MLC1: variants seen among roughly 807,000 people sequenced by gnomAD.
MLC1 encodes the protein modulator of VRAC current 1.
Under a neutral mutation model 44.7 loss-of-function variants are expected in MLC1, and 32 were observed. The observed-to-expected ratio is 0.72, with a 90% confidence interval of 0.54 to 0.96. The LOEUF (loss-of-function observed/expected upper bound fraction) is 0.96, where lower values mean the gene tolerates loss of function less well. MLC1 is among the 40% of genes least tolerant of loss of function. The pLI, the probability that MLC1 is intolerant of heterozygous loss-of-function variation, is 0.00. For synonymous variants in MLC1, 190 were observed against 213.0 expected (o/e 0.89, Z 0.94); for missense variants, 459 against 492.2 (o/e 0.93, Z 0.64).
At chr22:50,081,009 A>AAAAGAAAGAAAGGAAGAAAGAAAGAAAG (rs2062111211) in intron 3 of MLC1, among the ~76,000 whole-genome samples, 1 of 96,740 alleles carries the variant, frequency 1.0e-5, no homozygotes, top group Non-Finnish European at 2.0e-5. Flanking sequence ...TTGTCTCAAA[A>AAAAGAAAGAAAGGAAGAAAGAAAGAAAG]AAAGAAAGAA....
chr22:50,062,576 C>T (rs942783545), intron 11 of MLC1, among the ~76,000 whole-genome samples: 3 of 152,244 alleles, frequency 2.0e-5, no homozygotes. Flanking sequence ...GAGAAACGAG[C>T]CAAGGGCAAG....
Position 50,070,767 on chromosome 22 carries a change from G to A in MLC1, c.715-184C>T, listed in dbSNP as rs2076136. ...GCAGGGACGGGTCCGCAGGGAAGCA[G>A]GGGTAGCCTCTCAGAGGTTTTGTGT... On this transcript the variant is annotated intron_variant, in intron 8 of 11. Coordinates refer to ENST00000311597, the MANE Select transcript of MLC1 (RefSeq NM_015166.4). 0.13 allele frequency among the ~76,000 whole-genome samples: 19,780 copies of A among 152,240 alleles called. 1,533 individuals are homozygous for A. Among genetic ancestry groups the A allele is most frequent in the East Asian group, 0.32 (1,666 of 5,166 alleles).
chr22:50,068,852 G>C (rs1297659789), intron 9 of MLC1, among the ~76,000 whole-genome samples: 1 of 148,980 alleles, frequency 6.7e-6, no homozygotes, highest in Non-Finnish European at 1.5e-5. Flanking sequence ...TCAGCCTCCC[G>C]AGTAGCTGGG....
intron 10 of MLC1, among the ~76,000 whole-genome samples, chr22:50,065,581 A>G (rs2061685081): frequency 6.6e-6 from 1 of 152,212 alleles, no homozygotes; most frequent in Admixed American, 6.5e-5. Flanking sequence ...GAGTCCACTG[A>G]AAAAGCAATG....
intron 7 of MLC1, 172 bp from the exon 8 acceptor site, chr22:50,074,504 C>T (rs573904591): frequency 2.0e-5 from 13 of 662,922 alleles, no homozygotes; most frequent in African/African-American, 2.0e-4. Context: ...GCCCAGACCC[C>T]CTCTGCCCTC....
chr22:50,062,460 C>T (rs1460959949), intron 11 of MLC1, among the ~76,000 whole-genome samples: 1 of 152,258 alleles, frequency 6.6e-6, no homozygotes, highest in Non-Finnish European at 1.5e-5. Context: ...GCCGTCCTAG[C>T]AGGGAGACTG....
chr22:50,062,541 G>A (rs1441080171), intron 11 of MLC1, among the ~76,000 whole-genome samples: 1 of 152,264 alleles, frequency 6.6e-6, no homozygotes, highest in Non-Finnish European at 1.5e-5. Flanking sequence ...AGGGAGGGTG[G>A]AGGGTGGGGG....
intron 5 of MLC1, 51 bp downstream of exon 5, chr22:50,079,867 G>A: frequency 5.5e-6 from 7 of 1,264,014 alleles, no homozygotes; most frequent in Non-Finnish European, 8.1e-6. Context: ...ACCATTCGTG[G>A]GAGTGGGGCT....
intron 3 of MLC1, among the ~76,000 whole-genome samples, chr22:50,081,042 A>AAAGAAAGAAAGG (rs1555968057): frequency 7.2e-6 from 1 of 139,058 alleles, no homozygotes; most frequent in Non-Finnish European, 1.6e-5. Context: ...AGAAAGAAAG[A>AAAGAAAGAAAGG]AAGAAAGAAA....
intron 9 of MLC1, 90 bp from the exon 10 acceptor site, chr22:50,068,645 C>G (rs1328473912): frequency 7.4e-7 from 1 of 1,348,080 alleles, no homozygotes; most frequent in Admixed American, 1.7e-5. Flanking sequence ...GCGGGCATGG[C>G]CGGGCACTCA....
rs547174858 is a variant in MLC1, at chr22:50,063,490, A to C, written c.1059+544T>G. On this transcript the variant is annotated intron_variant, in intron 11 of 11. Coordinates refer to ENST00000311597, the MANE Select transcript of MLC1 (RefSeq NM_015166.4). ...TCCTTCTCAAAAAAAAAAAAAAAAA[A>C]GAAAAGAAAGACATTTTACTTCTTC... 1.7e-4 allele frequency among the ~76,000 whole-genome samples: 26 copies of C among 149,944 alleles called. No homozygotes were observed. The East Asian group carries it at 2.2e-3, about 13-fold the overall frequency.
chr22:50,074,410 G>T, intron 7 of MLC1, 78 bp from the exon 8 acceptor site: 1 of 1,268,028 alleles, frequency 7.9e-7, no homozygotes, highest in Non-Finnish European at 1.2e-6. Context: ...GTGCAGACAT[G>T]GACCCCCAGG....
At chr22:50,079,284 A>AAAAACAAAACAAAAC (rs139144031) in intron 5 of MLC1, among the ~76,000 whole-genome samples, 15 of 151,460 alleles carry the variant, frequency 9.9e-5, no homozygotes, top group East Asian at 3.9e-4. Flanking sequence ...ATTCCTTCTC[A>AAAAACAAAACAAAAC]AAAACAAAAC....
At chr22:50,077,725 G>A (rs563913096) in intron 5 of MLC1, among the ~76,000 whole-genome samples, 1 of 152,296 alleles carries the variant, frequency 6.6e-6, no homozygotes, top group African/African-American at 2.4e-5. Context: ...TTAGTGCAAA[G>A]GCTGTACAAA....
intron 8 of MLC1, among the ~76,000 whole-genome samples, chr22:50,072,281 CCTGGAAGGGTCCAGGCCTGCA>C (rs1051622855): frequency 2.0e-5 from 3 of 152,228 alleles, no homozygotes; most frequent in Admixed American, 6.5e-5. Context: ...AGGGCCCTGC[CCTGGAAGGGTCCAGGCCTGCA>C]GCCCAGCCCC....
At chr22:50,077,765 C>G (rs1191080948) in intron 5 of MLC1, among the ~76,000 whole-genome samples, 1 of 152,182 alleles carries the variant, frequency 6.6e-6, no homozygotes, top group Non-Finnish European at 1.5e-5. Flanking sequence ...TGGCCTTGGG[C>G]TCTGGTCTAC....
chr22:50,064,349 C>T, intron 10 of MLC1, 151 bp from the exon 11 acceptor site: 1 of 864,428 alleles, frequency 1.2e-6, no homozygotes, highest in Non-Finnish European at 1.8e-6. Context: ...ATTTCAACAA[C>T]CTGATGATAA....
At chr22:50,073,537 C>G (rs1024477149) in intron 8 of MLC1, among the ~76,000 whole-genome samples, 5 of 152,128 alleles carry the variant, frequency 3.3e-5, no homozygotes, top group Non-Finnish European at 7.3e-5. Flanking sequence ...TCAAGACCAG[C>G]CTGGCCAACA....
In MLC1 at chr22:50,068,503, G is replaced by A; in HGVS notation, c.824C>T (p.Ala275Val). 4.3e-6 allele frequency: 7 copies of A among 1,613,908 alleles called. No individual in the cohort carries two copies. The highest frequency in any genetic ancestry group is 5.9e-6 in the Non-Finnish European group (7 of 1,179,856). The part of the protein sequence containing the change: ...SSLTSPLLFT[A>V]SGYLSFSIMR... ...GATGCTGAATGACAGATATCCAGAGGCTGTGAACAGCAGCGGAGACGTGAG... is the reference window on the plus strand; with the variant it reads ...GATGCTGAATGACAGATATCCAGAGACTGTGAACAGCAGCGGAGACGTGAG... Residue 275 changes from alanine to valine, a missense_variant, in exon 10 of 12, where the codon GCC becomes GTC. Transcript: ENST00000311597.
Sources: gnomAD v4.1 joint callset for allele counts (sites outside exome capture counted in the v4.1 genomes callset) on GRCh38, gnomAD v4.1.1 for gene constraint, MANE v1.5 for transcripts, NCBI Gene and HGNC (gene_info 2026-07-23, HGNC 2026-07-21) for gene names.